NCAM1: variants seen among roughly 807,000 people sequenced by gnomAD.
NCAM1 encodes antigen recognized by monoclonal antibody 5.1H11.
In NCAM1, 14 loss-of-function variants were observed where a neutral mutation model predicts 109.8. The ratio of observed to expected loss-of-function variants is 0.13; its 90% CI spans 0.08 to 0.20. The LOEUF is 0.20. NCAM1 is among the 10% of genes least tolerant of loss of function. The pLI is 1.00. For missense variants in NCAM1, 774 were observed against 1,109.9 expected, an observed-to-expected ratio of 0.70 and a Z score of 4.30; for synonymous variants, 418 against 442.9, an observed-to-expected ratio of 0.94 and a Z score of 0.70.
chr11:113,153,034 G>A (rs1395725838), intron 1 of NCAM1, among the ~76,000 whole-genome samples: 3 of 146,870 alleles, frequency 2.0e-5, no homozygotes, highest in African/African-American at 5.0e-5. Flanking sequence ...CTAAACTGCA[G>A]CAATGTCTAT....
chr11:113,005,223 C>T (rs1951863519), intron 1 of NCAM1, among the ~76,000 whole-genome samples: 1 of 152,142 alleles, frequency 6.6e-6, no homozygotes, highest in African/African-American at 2.4e-5. Context: ...AGTTTGGCTT[C>T]TCTTTCATGT....
intron 2 of NCAM1, among the ~76,000 whole-genome samples, chr11:113,202,986 T>TC (rs1555112179): frequency 1.3e-5 from 2 of 152,172 alleles, no homozygotes; most frequent in African/African-American, 4.8e-5. Flanking sequence ...TGTGCCATGG[T>TC]CCCCACCAGA....
In NCAM1 at chr11:113,235,646, A is replaced by G. The variant is rs572119469; in HGVS notation, c.1825+482A>G. Among the ~76,000 whole-genome samples the G allele has an allele frequency of 4.0e-4, 61 of 152,326 alleles. No homozygotes were observed. In the South Asian group the frequency reaches 0.012, roughly 29 times the overall value. ...AATGGAAACTGCTATAGAATATGTG[A>G]GCAGCAGCAGAAACCCAGCAAAGCC... On this transcript the variant is annotated intron_variant, in intron 14 of 19. Coordinates refer to ENST00000316851, the MANE Select transcript of NCAM1 (RefSeq NM_181351.5).
rs192487671 is a variant in NCAM1 at position 113,089,260 on chromosome 11, C to T, written c.53-113119C>T. On this transcript the variant is annotated intron_variant, in intron 1 of 19. Transcript: ENST00000316851. ...CCCAGGAGACGGAGGTTGCCGAGAT[C>T]GCGCCACTGCACTCCAGCCTGGGTG... Among the ~76,000 whole-genome samples, 1,457 of 152,158 alleles carry T rather than the reference C, an allele frequency of 9.6e-3. 24 individuals are homozygous for T. Among genetic ancestry groups the T allele is most frequent in the African/African-American group, 0.033 (1,390 of 41,498 alleles).
intron 1 of NCAM1, among the ~76,000 whole-genome samples, chr11:113,064,242 A>C (rs1427607721): frequency 7.9e-5 from 12 of 152,180 alleles, no homozygotes; most frequent in Non-Finnish European, 1.3e-4. Context: ...GAGTGTTTTT[A>C]ACCCGTTAAT....
At chr11:113,126,558 C>CA (rs1288571216) in intron 1 of NCAM1, among the ~76,000 whole-genome samples, 9 of 152,188 alleles carry the variant, frequency 5.9e-5, no homozygotes, top group African/African-American at 2.2e-4. Context: ...TTAAGCAACA[C>CA]AAAAAGATCT....
chr11:113,223,773 T>A, intron 9 of NCAM1, among the ~76,000 whole-genome samples: 1 of 152,234 alleles, frequency 6.6e-6, no homozygotes, highest in East Asian at 1.9e-4. Flanking sequence ...CCAGGGGTTG[T>A]CCTTAAGTTC....
At chr11:113,246,703 A>AG (rs1555120301) in intron 15 of NCAM1, among the ~76,000 whole-genome samples, 5 of 152,368 alleles carry the variant, frequency 3.3e-5, no homozygotes, top group Non-Finnish European at 4.4e-5. Context: ...TGTTTGGCAA[A>AG]TTAGCTTGAT....
intron 7 of NCAM1, among the ~76,000 whole-genome samples, chr11:113,213,739 G>A (rs1292385922): frequency 6.6e-6 from 1 of 152,104 alleles, no homozygotes; most frequent in Non-Finnish European, 1.5e-5. Context: ...CGCACATCTG[G>A]GTCATTGCCA....
At chr11:113,073,730 A>AC (rs1938400364) in intron 1 of NCAM1, among the ~76,000 whole-genome samples, 1 of 152,194 alleles carries the variant, frequency 6.6e-6, no homozygotes, top group Non-Finnish European at 1.5e-5. Context: ...ATTTTAGAAC[A>AC]CCCGAGTCAG....
intron 1 of NCAM1, among the ~76,000 whole-genome samples, chr11:112,969,465 T>A (rs1159994892): frequency 6.6e-6 from 1 of 151,976 alleles, no homozygotes; most frequent in Non-Finnish European, 1.5e-5. Flanking sequence ...CTGGACTGAG[T>A]CTGACCAAAG....
chr11:113,011,544 T>C (rs1555074398), intron 1 of NCAM1, among the ~76,000 whole-genome samples: 1 of 152,110 alleles, frequency 6.6e-6, no homozygotes, highest in Admixed American at 6.5e-5. Flanking sequence ...CCACACTGAC[T>C]TCCACAATGG....
chr11:113,140,200 C>T (rs1941763307), intron 1 of NCAM1, among the ~76,000 whole-genome samples: 1 of 152,158 alleles, frequency 6.6e-6, no homozygotes, highest in Non-Finnish European at 1.5e-5. Context: ...AAATTTTGCT[C>T]CTCATATCAT....
At chr11:113,243,488 T>G in intron 14 of NCAM1, 1 of 493,256 alleles carries the variant, frequency 2.0e-6, no homozygotes, top group Admixed American at 2.0e-5. Flanking sequence ...CAGATGAAAG[T>G]GCTGGAATTT....
At chr11:113,087,031 A>G (rs1939123036) in intron 1 of NCAM1, among the ~76,000 whole-genome samples, 1 of 152,230 alleles carries the variant, frequency 6.6e-6, no homozygotes. Context: ...TCAAGCCTAC[A>G]GATATATTTT....
intron 17 of NCAM1, among the ~76,000 whole-genome samples, chr11:113,262,089 C>A (rs1555123486): frequency 6.6e-6 from 1 of 152,108 alleles, no homozygotes; most frequent in Non-Finnish European, 1.5e-5. Context: ...GTTAGACTTT[C>A]CTGGCCATTG....
intron 1 of NCAM1, among the ~76,000 whole-genome samples, chr11:113,028,214 T>G (rs1952612794): frequency 6.6e-6 from 1 of 152,156 alleles, no homozygotes; most frequent in African/African-American, 2.4e-5. Flanking sequence ...AAATAAAGGT[T>G]TGAGGTGATG....
chr11:113,257,966 T>C (rs1555122594), intron 16 of NCAM1, among the ~76,000 whole-genome samples: 1 of 152,234 alleles, frequency 6.6e-6, no homozygotes, highest in Non-Finnish European at 1.5e-5. Context: ...CCATGCAGCA[T>C]GAGCACTGTC....
chr11:113,247,134 A>G (rs2137457491), intron 15 of NCAM1, among the ~76,000 whole-genome samples: 1 of 152,346 alleles, frequency 6.6e-6, no homozygotes, highest in African/African-American at 2.4e-5. Flanking sequence ...TAATTAGTTA[A>G]TATTGTGACT....
Sources: allele counts gnomAD v4.1 joint callset (sites outside exome capture counted in the v4.1 genomes callset), GRCh38; gene constraint gnomAD v4.1.1; transcripts MANE v1.5; gene names NCBI Gene and HGNC (gene_info 2026-07-23, HGNC 2026-07-21).